The following CCZ1B variants were observed in gnomAD, a reference collection of about 807,000 sequenced individuals.
The protein encoded by CCZ1B is vacuolar fusion protein CCZ1 homolog B.
CCZ1B carries 25 observed loss-of-function variants against 58.8 expected under a neutral mutation model. The observed-to-expected ratio is 0.43, with a 90% CI of 0.31 to 0.59. CCZ1B has a LOEUF of 0.59. Among genes scored for constraint, CCZ1B ranks in the 20% least tolerant of loss-of-function variants. The pLI, the probability that CCZ1B is intolerant of heterozygous loss-of-function variation, is 0.12. For synonymous variants in CCZ1B, 66 were observed against 173.2 expected (o/e 0.38, Z 4.86); for missense variants, 180 against 501.5 (o/e 0.36, Z 6.12).
chr7:6,823,515 C>CTTTCT (rs1452417545), intron 4 of CCZ1B, among the ~76,000 whole-genome samples, 155 bp from the exon 5 acceptor site: 1 of 104,884 alleles, frequency 9.5e-6, no homozygotes, highest in Admixed American at 1.0e-4. Flanking sequence ...TGTTTGCGTT[C>CTTTCT]TTTTTTTTTT....
chr7:6,816,249 G>A (rs1354140853), intron 7 of CCZ1B, among the ~76,000 whole-genome samples: 3 of 149,324 alleles, frequency 2.0e-5, no homozygotes, highest in Non-Finnish European at 4.4e-5. Context: ...GGAAGCCAAG[G>A]TGAGCAGATC....
Position 6,819,827 on chromosome 7 carries a change from T to C in CCZ1B, c.637A>G (p.Met213Val). The C allele has an allele frequency of 6.4e-7, 1 of 1,568,900 alleles. No individual in the cohort carries two copies. Among genetic ancestry groups the C allele is most frequent in the Non-Finnish European group, 8.7e-7 (1 of 1,147,048 alleles). ...TTGACTATATTCAGGCTTTCCTCCA[T>C]TCTATTAATAAAGGACTGGATTTTC... The part of the protein sequence containing the change: ...YLKIQSFINR[M>V]EESLNIVKYT... The change falls in exon 7 of 15, where the codon ATG (methionine) becomes GTG (valine). Residue 213 changes from methionine to valine, a missense_variant. Transcript: ENST00000316731.
At chr7:6,825,279 C>G (rs1420190774) in intron 1 of CCZ1B, among the ~76,000 whole-genome samples, 1 of 146,640 alleles carries the variant, frequency 6.8e-6, no homozygotes, top group Non-Finnish European at 1.5e-5. Flanking sequence ...TCTGTGCTGC[C>G]CAGGCTGTAG....
At chr7:6,822,399 G>C (rs1783126785) in intron 5 of CCZ1B, 35 bp from the exon 6 acceptor site, 1 of 1,579,822 alleles carries the variant, frequency 6.3e-7, no homozygotes, top group Non-Finnish European at 8.5e-7. Flanking sequence ...AAAAAAATCA[G>C]TTTCCTATGC....
At chr7:6,820,163 G>C (rs937723543) in intron 6 of CCZ1B, among the ~76,000 whole-genome samples, 1 of 149,312 alleles carries the variant, frequency 6.7e-6, no homozygotes, top group Non-Finnish European at 1.5e-5. Context: ...TGTTTATTCA[G>C]TATTGTGTTT....
intron 6 of CCZ1B, 67 bp from the exon 7 acceptor site, chr7:6,820,008 G>A (rs952749493): frequency 2.5e-5 from 31 of 1,217,894 alleles, no homozygotes; most frequent in Non-Finnish European, 3.3e-5. Flanking sequence ...CTTGATAACT[G>A]AAAATAATCT....
At position 6,822,195 on chromosome 7, in the gene CCZ1B, G is replaced by T. The variant is rs2711223; in HGVS notation, c.522+86C>A. 2.7e-5 allele frequency: 42 copies of T among 1,530,716 alleles called. 1 individual carries two copies. Among genetic ancestry groups the T allele is most frequent in the Middle Eastern group, 2.0e-4 (1 of 5,080 alleles). 94.8% of individuals were successfully genotyped at this position (1,530,716 alleles called of 1,614,324 possible). On this transcript the variant is annotated intron_variant, in intron 6 of 14. Coordinates refer to ENST00000316731, the MANE Select transcript of CCZ1B (RefSeq NM_198097.5). ...ACTTTCAAGTTCTGGGTTTTTTGTA[G>T]ATAAGAAACAAACTTGTCTGTCTAT...
rs1399678471 is a variant in CCZ1B at position 6,814,788 on chromosome 7, A to G, written c.756T>C (p.Leu252=). 3.1e-5 allele frequency: 50 copies of G among 1,607,576 alleles called. 1 individual carries two copies. Among genetic ancestry groups the G allele is most frequent in the Non-Finnish European group, 4.2e-5 (50 of 1,178,324 alleles). ...RILYKYLTTS[L]FPRHIEPELA... is the part of the protein sequence containing the mutation. ...CCTCAGGTTCGATGTGCCTTGGGAAAAGGGAGGTGGTAAGGTATTTGTATA... is the reference window on the plus strand; with the variant it reads ...CCTCAGGTTCGATGTGCCTTGGGAAGAGGGAGGTGGTAAGGTATTTGTATA... The change falls in exon 8 of 15, where the codon CTT becomes CTC. Residue 252 remains leucine, a synonymous_variant. Coordinates refer to ENST00000316731, the MANE Select transcript of CCZ1B (RefSeq NM_198097.5).
At position 6,814,876 on chromosome 7, in the gene CCZ1B, G is replaced by A. The variant is rs778599951; in HGVS notation, c.699-31C>T. The stretch of plus-strand genomic sequence containing the variant: ...ACAACAGAAAAGCACTGGGTTAAAC[G>A]TTTCGAACTGTCTTCTGTCTTTCCA... On this transcript the variant is annotated intron_variant, in intron 7 of 14. Coordinates refer to ENST00000316731, the MANE Select transcript of CCZ1B (RefSeq NM_198097.5). The A allele has an allele frequency of 6.0e-6, 9 of 1,497,084 alleles. 1 individual carries two copies. The highest frequency in any genetic ancestry group is 1.8e-4 in the Middle Eastern group (1 of 5,672). The allele number at this position is 1,497,084 out of a possible 1,614,324, so 92.7% of individuals were successfully genotyped here.
At chr7:6,823,116 A>G (rs1783137639) in intron 5 of CCZ1B, among the ~76,000 whole-genome samples, 197 bp downstream of exon 5, 1 of 148,898 alleles carries the variant, frequency 6.7e-6, no homozygotes, top group Non-Finnish European at 1.5e-5. Context: ...CTGAGAAAAG[A>G]GAAGGGAGTT....
chr7:6,820,469 G>A (rs1278410378), intron 6 of CCZ1B, among the ~76,000 whole-genome samples: 1 of 148,648 alleles, frequency 6.7e-6, no homozygotes, highest in Non-Finnish European at 1.5e-5. Context: ...GAGCCACCAC[G>A]CCTGGCCAAA....
chr7:6,819,001 G>C (rs369642434), intron 7 of CCZ1B, among the ~76,000 whole-genome samples: 2 of 147,328 alleles, frequency 1.4e-5, no homozygotes, highest in South Asian at 2.2e-4. Flanking sequence ...TTCTTTAAAA[G>C]AAAGTAGGTG....
chr7:6,800,631 T>C (rs1782750921), intron 14 of CCZ1B, among the ~76,000 whole-genome samples: 1 of 137,750 alleles, frequency 7.3e-6, no homozygotes, highest in Admixed American at 7.4e-5. Flanking sequence ...ATTGCACCAC[T>C]GCACTCCAGC....
chr7:6,821,021 C>T (rs989278843), intron 6 of CCZ1B, among the ~76,000 whole-genome samples: 19 of 149,120 alleles, frequency 1.3e-4, no homozygotes, highest in African/African-American at 4.8e-4. Context: ...TCTTTATTTC[C>T]CCCCCGAGAT....
intron 10 of CCZ1B, among the ~76,000 whole-genome samples, chr7:6,810,462 T>A (rs1447690114): frequency 5.4e-5 from 8 of 148,550 alleles, no homozygotes; most frequent in African/African-American, 1.8e-4. Context: ...GATACCAGTT[T>A]CATTATTTTT....
intron 7 of CCZ1B, among the ~76,000 whole-genome samples, chr7:6,816,532 T>G (rs1484343189): frequency 6.6e-6 from 1 of 150,506 alleles, no homozygotes; most frequent in Non-Finnish European, 1.5e-5. Context: ...ATAAGGGTAA[T>G]ATATACTCTG....
At chr7:6,815,804 G>A (rs1414159602) in intron 7 of CCZ1B, among the ~76,000 whole-genome samples, 2 of 148,464 alleles carry the variant, frequency 1.3e-5, no homozygotes, top group African/African-American at 5.1e-5. Flanking sequence ...GTTGAATTCC[G>A]TGTAGGATTA....
chr7:6,812,355 G>C, intron 9 of CCZ1B: 1 of 384,682 alleles, frequency 2.6e-6, no homozygotes, highest in Non-Finnish European at 4.9e-6. Flanking sequence ...TGGTTCTGGT[G>C]GTGGGCACCT....
intron 6 of CCZ1B, 53 bp from the exon 7 acceptor site, chr7:6,819,994 G>A (rs1783083111): frequency 7.1e-7 from 1 of 1,414,628 alleles, no homozygotes; most frequent in Admixed American, 2.0e-5. Context: ...TGAATATAAT[G>A]CTCCTTGATA....
Sources: gnomAD v4.1 joint callset for allele counts (sites outside exome capture counted in the v4.1 genomes callset) on GRCh38, gnomAD v4.1.1 for gene constraint, MANE v1.5 for transcripts, NCBI Gene and HGNC (gene_info 2026-07-23, HGNC 2026-07-21) for gene names.